The following COL4A2 variants were observed in gnomAD, a reference collection of about 807,000 sequenced individuals.
COL4A2 encodes collagen alpha-2(IV) chain.
In COL4A2, 99 loss-of-function variants were observed where a neutral mutation model predicts 200.2. The ratio of observed to expected loss-of-function variants is 0.49; its 90% CI spans 0.42 to 0.58. The LOEUF (loss-of-function observed/expected upper bound fraction) is 0.58, where lower values mean the gene tolerates loss of function less well. Among genes scored for constraint, COL4A2 ranks in the 20% least tolerant of loss-of-function variants. The pLI, the probability that COL4A2 is intolerant of heterozygous loss-of-function variation, is 0.00. For missense variants in COL4A2, 1,950 were observed against 2,314.1 expected, an observed-to-expected ratio of 0.84 and a Z score of 3.23; for synonymous variants, 897 against 900.6, an observed-to-expected ratio of 1.00 and a Z score of 0.07.
intron 4 of COL4A2, among the ~76,000 whole-genome samples, chr13:110,363,730 C>A (rs1877621542): frequency 6.6e-6 from 1 of 152,108 alleles, no homozygotes; most frequent in South Asian, 2.1e-4. Flanking sequence ...TGTGTATTGC[C>A]GTCATAAACC....
In COL4A2 at chr13:110,436,375, G is replaced by A. The variant is rs747970075; in HGVS notation, c.825+8G>A. On this transcript the variant is annotated splice_region_variant and intron_variant, in intron 13 of 47. Coordinates refer to ENST00000360467, the MANE Select transcript of COL4A2 (RefSeq NM_001846.4). ...CACCCAGATCAGTACAAGGTAAAGA[G>A]CAAAATTGACTCTTTTCATAGTTGA... The A allele has an allele frequency of 6.2e-7, 1 of 1,608,918 alleles. No homozygotes were observed. The highest frequency in any genetic ancestry group is 1.7e-5 in the Admixed American group (1 of 59,484).
At chr13:110,478,890 C>T (rs1882796286) in intron 30 of COL4A2, among the ~76,000 whole-genome samples, 1 of 152,250 alleles carries the variant, frequency 6.6e-6, no homozygotes, top group African/African-American at 2.4e-5. Flanking sequence ...CATGGAAACT[C>T]TCAATCTTAC....
intron 16 of COL4A2, 135 bp downstream of exon 16, chr13:110,439,968 G>T: frequency 7.5e-7 from 1 of 1,337,136 alleles, no homozygotes; most frequent in Non-Finnish European, 1.0e-6. Flanking sequence ...TGTATTTGCA[G>T]TCACAAAGAT....
chr13:110,412,315 C>T (rs2139441623), intron 4 of COL4A2, among the ~76,000 whole-genome samples: 1 of 152,300 alleles, frequency 6.6e-6, no homozygotes, highest in South Asian at 2.1e-4. Context: ...GCCCTCTCTC[C>T]CACTGAGATG....
intron 4 of COL4A2, among the ~76,000 whole-genome samples, chr13:110,362,179 G>C (rs184555298): frequency 6.6e-6 from 1 of 152,278 alleles, no homozygotes; most frequent in Admixed American, 6.5e-5. Context: ...CACTTCTTCA[G>C]TTGTTTTGTG....
chr13:110,473,431 CAG>C, intron 29 of COL4A2: 1 of 398,802 alleles, frequency 2.5e-6, no homozygotes, highest in Non-Finnish European at 4.5e-6. Context: ...CTGGCTGTGA[CAG>C]GGGCCGTGAC....
At chr13:110,412,314 C>T (rs1460729080) in intron 4 of COL4A2, among the ~76,000 whole-genome samples, 1 of 152,190 alleles carries the variant, frequency 6.6e-6, no homozygotes, top group Non-Finnish European at 1.5e-5. Context: ...TGCCCTCTCT[C>T]CCACTGAGAT....
intron 45 of COL4A2, among the ~76,000 whole-genome samples, chr13:110,505,938 GC>G (rs1883846975): frequency 1.3e-5 from 2 of 152,154 alleles, no homozygotes; most frequent in Admixed American, 1.3e-4. Context: ...CCTCCTCTGT[GC>G]CCAGTGCCCT....
At chr13:110,438,359 C>T (rs1261358257) in intron 14 of COL4A2, among the ~76,000 whole-genome samples, 1 of 152,240 alleles carries the variant, frequency 6.6e-6, no homozygotes, top group African/African-American at 2.4e-5. Flanking sequence ...ACTGCCTGTC[C>T]TCAGAGCTCC....
chr13:110,349,032 T>G (rs1455042195), intron 3 of COL4A2, among the ~76,000 whole-genome samples: 1 of 152,226 alleles, frequency 6.6e-6, no homozygotes, highest in Non-Finnish European at 1.5e-5. Context: ...TTTTTTTTCA[T>G]TCGTCTACAT....
At chr13:110,413,225 A>G (rs1879913400) in intron 4 of COL4A2, among the ~76,000 whole-genome samples, 1 of 152,222 alleles carries the variant, frequency 6.6e-6, no homozygotes, top group African/African-American at 2.4e-5. Flanking sequence ...GGAGCCAGGC[A>G]GAGGGGGTAA....
At chr13:110,312,642 T>C (rs1885016657) in intron 3 of COL4A2, among the ~76,000 whole-genome samples, 1 of 152,230 alleles carries the variant, frequency 6.6e-6, no homozygotes. Flanking sequence ...TAGAGGGTTT[T>C]AGAGAAAGCT....
At chr13:110,365,533 G>C (rs1877707290) in intron 4 of COL4A2, among the ~76,000 whole-genome samples, 1 of 152,154 alleles carries the variant, frequency 6.6e-6, no homozygotes, top group Non-Finnish European at 1.5e-5. Flanking sequence ...CTGTGACCTT[G>C]GGTAGGGCAC....
chr13:110,425,187 G>A (rs1166595296), intron 6 of COL4A2, among the ~76,000 whole-genome samples, 190 bp downstream of exon 6: 2 of 152,182 alleles, frequency 1.3e-5, no homozygotes, highest in Non-Finnish European at 2.9e-5. Flanking sequence ...CTTTGTAAAC[G>A]TCCTTATAGA....
chr13:110,390,154 C>T (rs141496837), intron 4 of COL4A2, among the ~76,000 whole-genome samples: 123 of 152,336 alleles, frequency 8.1e-4, no homozygotes, highest in Middle Eastern at 3.4e-3. Context: ...TGTAAATATT[C>T]GTAAGACACA....
At chr13:110,401,805 C>T (rs141716581) in intron 4 of COL4A2, among the ~76,000 whole-genome samples, 6 of 152,256 alleles carry the variant, frequency 3.9e-5, no homozygotes, top group African/African-American at 1.4e-4. Context: ...GCTGGTAAGT[C>T]CAAGATCAAA....
chr13:110,493,749 C>CA (rs1487145846), intron 39 of COL4A2, among the ~76,000 whole-genome samples: 1 of 152,040 alleles, frequency 6.6e-6, no homozygotes, highest in African/African-American at 2.4e-5. Context: ...GGCTGGGAGC[C>CA]AAAAACAACC....
Position 110,480,217 on chromosome 13 carries a change from C to G in COL4A2, c.2588-3C>G. ...CTGTTTGATTTGCTCCTCTTCCTGACAGGTCTGCCTGGTGATAGAGGGGAC... is the reference window on the plus strand; with the variant it reads ...CTGTTTGATTTGCTCCTCTTCCTGAGAGGTCTGCCTGGTGATAGAGGGGAC... On this transcript the variant is annotated splice_polypyrimidine_tract_variant and splice_region_variant and intron_variant, in intron 30 of 47. Coordinates refer to ENST00000360467, the MANE Select transcript of COL4A2 (RefSeq NM_001846.4). 6.3e-7 allele frequency: 1 copy of G among 1,586,560 alleles called. No homozygotes were observed. Among genetic ancestry groups the G allele is most frequent in the Non-Finnish European group, 8.6e-7 (1 of 1,169,548 alleles).
intron 4 of COL4A2, among the ~76,000 whole-genome samples, chr13:110,413,970 C>T (rs1207869038): frequency 1.3e-5 from 2 of 152,216 alleles, no homozygotes; most frequent in Non-Finnish European, 2.9e-5. Flanking sequence ...CACTCCATGG[C>T]TCCCAAACCT....
Sources: allele counts gnomAD v4.1 joint callset (sites outside exome capture counted in the v4.1 genomes callset), GRCh38; gene constraint gnomAD v4.1.1; transcripts MANE v1.5; gene names NCBI Gene and HGNC (gene_info 2026-07-23, HGNC 2026-07-21).